The following STK3 variants were observed in gnomAD, a reference collection of about 807,000 sequenced individuals.
The protein encoded by STK3 is serine/threonine-protein kinase 3.
STK3 carries 41 observed loss-of-function variants against 58.0 expected under a neutral mutation model. The ratio of observed to expected loss-of-function variants is 0.71; its 90% confidence interval spans 0.55 to 0.92. The LOEUF (loss-of-function observed/expected upper bound fraction) is 0.92, where lower values mean the gene tolerates loss of function less well. STK3 is among the 40% of genes least tolerant of loss of function. The probability of loss-of-function intolerance (pLI) is 0.00; values close to 1 mark genes in which losing one functional copy is unlikely to be tolerated. For synonymous variants in STK3, 170 were observed against 191.0 expected, an observed-to-expected ratio of 0.89 and a Z score of 0.91; for missense variants, 479 against 602.7, an observed-to-expected ratio of 0.79 and a Z score of 2.15.
chr8:98,480,232 T>C (rs565295092), intron 10 of STK3, among the ~76,000 whole-genome samples: 14 of 151,728 alleles, frequency 9.2e-5, no homozygotes, highest in African/African-American at 3.1e-4. Context: ...AAAAACAACA[T>C]CAATCACAAA....
At chr8:98,820,404 C>T (rs937681913) in intron 1 of STK3, among the ~76,000 whole-genome samples, 2 of 152,144 alleles carry the variant, frequency 1.3e-5, no homozygotes, top group South Asian at 2.1e-4. Context: ...CCTTAATCAA[C>T]GAATTACACA....
intron 7 of STK3, among the ~76,000 whole-genome samples, chr8:98,593,679 G>A (rs148466395): frequency 1.3e-5 from 2 of 152,298 alleles, no homozygotes; most frequent in African/African-American, 4.8e-5. Flanking sequence ...ATGATCTGAG[G>A]CAGGACAGTT....
chr8:98,704,451 C>T (rs974238607), intron 6 of STK3, among the ~76,000 whole-genome samples: 1 of 151,688 alleles, frequency 6.6e-6, no homozygotes, highest in East Asian at 1.9e-4. Flanking sequence ...AAGAAATTGC[C>T]TATATACAAA....
At chr8:98,440,040 G>C (rs191850407) in intron 1 of STK3, among the ~76,000 whole-genome samples, 1 of 152,222 alleles carries the variant, frequency 6.6e-6, no homozygotes, top group Non-Finnish European at 1.5e-5. Context: ...GAGGATGTGC[G>C]TACTGATTCC....
chr8:98,584,256 A>G, intron 7 of STK3, among the ~76,000 whole-genome samples: 1 of 67,136 alleles, frequency 1.5e-5, no homozygotes, highest in Non-Finnish European at 3.2e-5. Context: ...CCTTCCCCCC[A>G]CCCCACAACA....
At chr8:98,449,422 A>C (rs1253149164) in intron 1 of STK3, among the ~76,000 whole-genome samples, 1 of 152,224 alleles carries the variant, frequency 6.6e-6, no homozygotes. Flanking sequence ...AGAATCCTAC[A>C]AACTATTAAA....
At chr8:98,545,530 C>CT (rs374094764) in intron 9 of STK3, among the ~76,000 whole-genome samples, 1 of 152,156 alleles carries the variant, frequency 6.6e-6, no homozygotes, top group African/African-American at 2.4e-5. Context: ...TTCAAAGGGT[C>CT]TGTGGGTAAT....
At chr8:98,576,093 G>A (rs1038467517) in intron 8 of STK3, among the ~76,000 whole-genome samples, 1 of 152,034 alleles carries the variant, frequency 6.6e-6, no homozygotes, top group African/African-American at 2.4e-5. Flanking sequence ...AAAACATAGG[G>A]GTCTAACTTC....
chr8:98,815,018 G>A (rs1305663608), intron 1 of STK3, among the ~76,000 whole-genome samples: 2 of 152,038 alleles, frequency 1.3e-5, no homozygotes, highest in Non-Finnish European at 2.9e-5. Context: ...TATTTGTCTT[G>A]GATTATTTTA....
chr8:98,587,182 G>A (rs937043192), intron 7 of STK3, among the ~76,000 whole-genome samples: 4 of 151,878 alleles, frequency 2.6e-5, no homozygotes, highest in African/African-American at 9.7e-5. Context: ...TCTTTTAATT[G>A]TGATGTTAGG....
At chr8:98,420,667 T>C (rs1818161657) in intron 3 of STK3, among the ~76,000 whole-genome samples, 2 of 152,150 alleles carry the variant, frequency 1.3e-5, no homozygotes, top group Non-Finnish European at 2.9e-5. Context: ...CAGATTTGGA[T>C]ACCACAGAGA....
intron 4 of STK3, among the ~76,000 whole-genome samples, chr8:98,746,193 A>G (rs1224460646): frequency 6.6e-6 from 1 of 152,214 alleles, no homozygotes; most frequent in African/African-American, 2.4e-5. Flanking sequence ...TAGCCACCAG[A>G]TAGAAACAAA....
chr8:98,895,411 A>G (rs991258250), intron 1 of STK3, among the ~76,000 whole-genome samples: 53 of 152,130 alleles, frequency 3.5e-4, no homozygotes, highest in African/African-American at 1.2e-3. Context: ...TATGTATCTA[A>G]CACTCCCTCC....
chr8:98,362,043 C>T, the STK3 span, among the ~76,000 whole-genome samples: 1 of 152,148 alleles, frequency 6.6e-6, no homozygotes, highest in African/African-American at 2.4e-5. Context: ...GGTTGGATTC[C>T]AGGTGGCAAA....
At chr8:98,590,726 T>C (rs1018367579) in intron 7 of STK3, among the ~76,000 whole-genome samples, 11 of 152,220 alleles carry the variant, frequency 7.2e-5, no homozygotes, top group African/African-American at 2.7e-4. Flanking sequence ...GGATTTTATG[T>C]AAGTTTGTAA....
At chr8:98,584,235 C>T (rs922840624) in intron 7 of STK3, among the ~76,000 whole-genome samples, 4 of 151,984 alleles carry the variant, frequency 2.6e-5, no homozygotes, top group Middle Eastern at 3.2e-3. Flanking sequence ...TCTCCTAATG[C>T]TATCCCTCCC....
At chr8:98,559,475 G>A (rs1171661305) in intron 8 of STK3, among the ~76,000 whole-genome samples, 1 of 152,236 alleles carries the variant, frequency 6.6e-6, no homozygotes, top group East Asian at 1.9e-4. Flanking sequence ...TCTTTCCAGA[G>A]GAGGCAATGG....
At chr8:98,488,544 G>A (rs1373817401) in intron 10 of STK3, among the ~76,000 whole-genome samples, 1 of 152,142 alleles carries the variant, frequency 6.6e-6, no homozygotes, top group Non-Finnish European at 1.5e-5. Flanking sequence ...ATAAGCCAAT[G>A]CTAATGTTTA....
intron 3 of STK3, chr8:98,431,371 A>G (rs1285113037): frequency 6.0e-6 from 1 of 167,094 alleles, no homozygotes; most frequent in Admixed American, 6.5e-5. Flanking sequence ...GCATCAGGAA[A>G]AGTGAGATGA....
Sources: allele counts gnomAD v4.1 joint callset (sites outside exome capture counted in the v4.1 genomes callset), GRCh38; gene constraint gnomAD v4.1.1; transcripts MANE v1.5; gene names NCBI Gene and HGNC (gene_info 2026-07-23, HGNC 2026-07-21).